Variants in PXDNL observed in about 807,000 individuals in gnomAD.
PXDNL encodes peroxidasin like.
In PXDNL, 145 loss-of-function variants were observed where a neutral mutation model predicts 150.8. That is an observed-to-expected ratio of 0.96 (90% CI 0.84 to 1.10). PXDNL has a LOEUF of 1.10. Ranked by LOEUF, PXDNL falls within the 50% of genes least tolerant of loss-of-function variation. The pLI is 0.00. For missense variants in PXDNL, 2,087 were observed against 1,873.9 expected (o/e 1.11, Z -2.10); for synonymous variants, 757 against 725.7 (o/e 1.04, Z -0.69).
At chr8:51,371,339 G>A (rs1407129359) in intron 19 of PXDNL, among the ~76,000 whole-genome samples, 1 of 152,224 alleles carries the variant, frequency 6.6e-6, no homozygotes, top group East Asian at 1.9e-4. Context: ...GATGCTTATA[G>A]AAGCACCTTA....
intron 17 of PXDNL, among the ~76,000 whole-genome samples, chr8:51,390,984 G>C (rs1365494498): frequency 6.6e-6 from 1 of 152,030 alleles, no homozygotes; most frequent in Non-Finnish European, 1.5e-5. Flanking sequence ...CTATGAGTGA[G>C]AACATGCGGT....
At chr8:51,590,370 C>T (rs978344470) in intron 3 of PXDNL, among the ~76,000 whole-genome samples, 3 of 152,052 alleles carry the variant, frequency 2.0e-5, no homozygotes, top group Admixed American at 6.5e-5. Flanking sequence ...GGGATTGGGG[C>T]TGCCACTGAG....
chr8:51,608,996 A>C (rs1283114770), intron 2 of PXDNL, among the ~76,000 whole-genome samples: 1 of 152,020 alleles, frequency 6.6e-6, no homozygotes, highest in Non-Finnish European at 1.5e-5. Context: ...TCCTCTCCCA[A>C]CTCTATCAGG....
chr8:51,639,708 T>C (rs1219258964), intron 2 of PXDNL, among the ~76,000 whole-genome samples: 2 of 152,108 alleles, frequency 1.3e-5, no homozygotes, highest in African/African-American at 4.8e-5. Context: ...GTGGCAATAA[T>C]CAATAGCTTA....
chr8:51,683,448 T>C (rs534563257), intron 1 of PXDNL, among the ~76,000 whole-genome samples: 8 of 151,780 alleles, frequency 5.3e-5, no homozygotes, highest in Admixed American at 5.3e-4. Flanking sequence ...AGTTATAGAA[T>C]CTCCTTATAT....
chr8:51,608,646 G>A (rs1349289899), intron 2 of PXDNL, among the ~76,000 whole-genome samples: 18 of 148,678 alleles, frequency 1.2e-4, no homozygotes, highest in Non-Finnish European at 2.2e-4. Context: ...GACCATCCTG[G>A]CTAACACGGT....
intron 1 of PXDNL, among the ~76,000 whole-genome samples, chr8:51,693,266 C>A (rs1816037973): frequency 6.6e-6 from 1 of 152,160 alleles, no homozygotes; most frequent in African/African-American, 2.4e-5. Context: ...ACAAAGCAAG[C>A]TTAGTGTGGT....
At chr8:51,688,526 A>T (rs989414719) in intron 1 of PXDNL, among the ~76,000 whole-genome samples, 6 of 152,140 alleles carry the variant, frequency 3.9e-5, no homozygotes, top group African/African-American at 1.4e-4. Flanking sequence ...GACCCTGTGG[A>T]CTGCGGCCAG....
rs192073641 is a variant in PXDNL at position 51,783,101 on chromosome 8, A to G, written c.164+26080T>C. ...ATGAGAATAGCTTCCTCCTGGGTAA[A>G]AAGTGTCAAGATGGGTTAAAAATCA... On this transcript the variant is annotated intron_variant, in intron 1 of 22. Transcript: ENST00000356297. Among the ~76,000 whole-genome samples, 3 of 152,316 alleles carry G rather than the reference A, an allele frequency of 2.0e-5. No homozygotes were observed. The East Asian group carries it at 5.8e-4, about 29-fold the overall frequency.
chr8:51,452,935 A>AACACATACACACACACACACACAC (rs60146365), intron 10 of PXDNL, among the ~76,000 whole-genome samples: 3,043 of 142,616 alleles, frequency 0.021, 81 homozygotes, highest in African/African-American at 0.069. Flanking sequence ...CACACACACA[A>AACACATACACACACACACACACAC]ACACACACAC....
chr8:51,643,334 C>A (rs1391901542), intron 2 of PXDNL, among the ~76,000 whole-genome samples: 11 of 152,098 alleles, frequency 7.2e-5, no homozygotes, highest in Admixed American at 3.9e-4. Flanking sequence ...GGTACTGGTA[C>A]CAAAACAGAG....
At chr8:51,433,306 A>G (rs1809305635) in intron 12 of PXDNL, among the ~76,000 whole-genome samples, 1 of 151,270 alleles carries the variant, frequency 6.6e-6, no homozygotes, top group Non-Finnish European at 1.5e-5. Context: ...TTTATTTCTA[A>G]AAAAAGGGTT....
At position 51,453,700 on chromosome 8, in the gene PXDNL, G is replaced by A. The variant is rs1809861937; in HGVS notation, c.1068C>T (p.His356=). Residue 356 remains histidine (H), a synonymous_variant, in exon 10 of 23, where the codon CAC becomes CAT. Coordinates refer to ENST00000356297, the MANE Select transcript of PXDNL (RefSeq NM_144651.5). The part of the protein sequence containing the change: ...STTLECMATG[H]PHPLITWTRD... ...TGGTCCAAGTGATAAGAGGGTGTGG[G>A]TGGCCTGTGGCCATACATTCCAAAG... is the stretch of plus-strand genomic sequence containing the variant. 1 of 1,613,922 alleles carries A rather than the reference G, an allele frequency of 6.2e-7. No homozygotes were observed. The highest frequency in any genetic ancestry group is 1.3e-5 in the African/African-American group (1 of 74,934).
At chr8:51,793,790 G>A (rs763412309) in intron 1 of PXDNL, among the ~76,000 whole-genome samples, 7 of 152,022 alleles carry the variant, frequency 4.6e-5, no homozygotes, top group Non-Finnish European at 1.0e-4. Context: ...CTACTCAGGA[G>A]GCTAAGGCAT....
chr8:51,719,208 A>AAT (rs1306899847), intron 1 of PXDNL, among the ~76,000 whole-genome samples: 1 of 152,230 alleles, frequency 6.6e-6, no homozygotes, highest in African/African-American at 2.4e-5. Context: ...AAAAGGGGTA[A>AAT]ATGTGGGGAA....
intron 1 of PXDNL, among the ~76,000 whole-genome samples, chr8:51,736,342 G>A (rs1043891006): frequency 6.6e-6 from 1 of 152,060 alleles, no homozygotes; most frequent in Admixed American, 6.6e-5. Context: ...GGCCCAGAGA[G>A]GCATTTAAAA....
At chr8:51,778,279 C>CAA (rs10695692) in intron 1 of PXDNL, among the ~76,000 whole-genome samples, 134,293 of 150,248 alleles carry the variant, frequency 0.89, 60,055 homozygotes, top group East Asian at 0.99. Context: ...GAATCTGTCT[C>CAA]AAAAAAAAAA....
chr8:51,682,538 T>G (rs1297206366), intron 1 of PXDNL, among the ~76,000 whole-genome samples: 4 of 152,202 alleles, frequency 2.6e-5, no homozygotes, highest in Non-Finnish European at 5.9e-5. Context: ...GTCCTTAATC[T>G]GTTTGCTGCT....
At chr8:51,673,252 C>A (rs950153855) in intron 1 of PXDNL, among the ~76,000 whole-genome samples, 1 of 152,086 alleles carries the variant, frequency 6.6e-6, no homozygotes, top group Non-Finnish European at 1.5e-5. Context: ...AGCCAGAGTT[C>A]AATTACAATT....
Sources: allele counts gnomAD v4.1 joint callset (sites outside exome capture counted in the v4.1 genomes callset), GRCh38; gene constraint gnomAD v4.1.1; transcripts MANE v1.5; gene names NCBI Gene and HGNC (gene_info 2026-07-23, HGNC 2026-07-21).